TRAK1: variants seen among roughly 807,000 people sequenced by gnomAD.
The protein encoded by TRAK1 is trafficking kinesin protein 1.
Under a neutral mutation model 92.1 loss-of-function variants are expected in TRAK1, and 33 were observed. That is an observed-to-expected ratio of 0.36 (90% confidence interval 0.27 to 0.48). The LOEUF is 0.48. TRAK1 is among the 20% of genes least tolerant of loss of function. TRAK1 has a pLI of 0.99. For synonymous variants in TRAK1, 521 were observed against 517.3 expected (o/e 1.01, Z -0.10); for missense variants, 1,123 against 1,257.9 (o/e 0.89, Z 1.62).
intron 2 of TRAK1, among the ~76,000 whole-genome samples, chr3:42,127,652 C>T (rs1209174675): frequency 1.3e-5 from 2 of 152,166 alleles, no homozygotes; most frequent in Non-Finnish European, 2.9e-5. Context: ...TGAGCCACTG[C>T]ACTTGGCACC....
At chr3:42,051,383 G>A (rs1371187435) in intron 1 of TRAK1, 1 of 152,246 alleles carries the variant, frequency 6.6e-6, no homozygotes, top group Admixed American at 6.5e-5. Flanking sequence ...GTGAAGGTGA[G>A]GGTGGTGCAG....
At chr3:42,151,312 A>G (rs1009977737) in intron 2 of TRAK1, 2 of 456,362 alleles carry the variant, frequency 4.4e-6, no homozygotes, top group Non-Finnish European at 8.8e-6. Context: ...CTGGGTATCC[A>G]TCAGAAGGAT....
chr3:42,198,019 A>G (rs1281403334), intron 10 of TRAK1, among the ~76,000 whole-genome samples: 1 of 152,220 alleles, frequency 6.6e-6, no homozygotes, highest in Non-Finnish European at 1.5e-5. Flanking sequence ...CCACATGTAC[A>G]TATGTCCCAG....
intron 1 of TRAK1, among the ~76,000 whole-genome samples, chr3:42,043,624 G>T (rs932773988): frequency 1.3e-4 from 19 of 151,596 alleles, no homozygotes; most frequent in South Asian, 4.2e-4. Context: ...CTGGGGGGGG[G>T]GCGGGGGGAG....
At chr3:42,112,943 T>A (rs1232939739) in intron 1 of TRAK1, among the ~76,000 whole-genome samples, 1 of 150,850 alleles carries the variant, frequency 6.6e-6, no homozygotes, top group Admixed American at 6.6e-5. Context: ...GATTTTTAAT[T>A]TTTTTTTTGT....
rs1703279639 is a variant in TRAK1 at position 42,176,806 on chromosome 3, T to G, written c.287-8T>G. 1.2e-6 allele frequency: 2 copies of G among 1,613,034 alleles called. No homozygotes were observed. The highest frequency in any genetic ancestry group is 2.7e-5 in the African/African-American group (2 of 74,924). Reference sequence around the variant, plus strand: ...TGGGAGTCTCATTGTCATTTTTATTTCTTACAGTTTTATGTGCTGAAAGAG... The same window carrying G: ...TGGGAGTCTCATTGTCATTTTTATTGCTTACAGTTTTATGTGCTGAAAGAG... On this transcript the variant is annotated splice_region_variant and splice_polypyrimidine_tract_variant and intron_variant, in intron 2 of 15. Transcript: ENST00000327628.
chr3:42,099,804 A>C (rs953373969), intron 1 of TRAK1, among the ~76,000 whole-genome samples: 2 of 152,106 alleles, frequency 1.3e-5, no homozygotes. Flanking sequence ...TGCTATTTTA[A>C]CTGTTGTTTC....
intron 10 of TRAK1, among the ~76,000 whole-genome samples, chr3:42,196,977 T>TC (rs1706764167): frequency 6.4e-5 from 4 of 62,400 alleles, no homozygotes; most frequent in South Asian, 5.4e-4. Flanking sequence ...CTCTCTCTCT[T>TC]TCTCTTTCTC....
chr3:42,138,931 G>A (rs1183215266), intron 2 of TRAK1, among the ~76,000 whole-genome samples: 3 of 146,862 alleles, frequency 2.0e-5, no homozygotes, highest in African/African-American at 7.6e-5. Flanking sequence ...GTGTTTGGAG[G>A]AGGGGTACCT....
At chr3:42,134,180 TTCCCCTTCCCCC>T in intron 2 of TRAK1, among the ~76,000 whole-genome samples, 1 of 116,842 alleles carries the variant, frequency 8.6e-6, no homozygotes, top group Non-Finnish European at 1.8e-5. Flanking sequence ...CCCCTTCCTC[TTCCCCTTCCCCC>T]TCCCCTTCCC....
intron 1 of TRAK1, among the ~76,000 whole-genome samples, chr3:42,068,066 G>A (rs572514878): frequency 4.6e-5 from 7 of 151,950 alleles, no homozygotes; most frequent in Admixed American, 2.6e-4. Flanking sequence ...AGGCTGAGGC[G>A]GAAGATCCCT....
chr3:42,137,650 T>C (rs1698117084), intron 2 of TRAK1, among the ~76,000 whole-genome samples: 2 of 152,164 alleles, frequency 1.3e-5, no homozygotes, highest in South Asian at 4.1e-4. Context: ...ACGTATGCTA[T>C]TTGTGGAGTT....
chr3:42,078,139 T>A (rs1704244617), intron 1 of TRAK1, among the ~76,000 whole-genome samples: 1 of 152,090 alleles, frequency 6.6e-6, no homozygotes, highest in Non-Finnish European at 1.5e-5. Context: ...GGGCAAAGGG[T>A]CTGAGTGGCT....
intron 1 of TRAK1, among the ~76,000 whole-genome samples, chr3:42,057,589 G>A (rs1703251816): frequency 6.6e-6 from 1 of 152,116 alleles, no homozygotes; most frequent in Admixed American, 6.6e-5. Flanking sequence ...CAGAACAAGT[G>A]GGCTGCAGTT....
At chr3:42,201,374 C>T (rs1481328250) in intron 12 of TRAK1, among the ~76,000 whole-genome samples, 5 of 151,974 alleles carry the variant, frequency 3.3e-5, no homozygotes, top group East Asian at 1.9e-4. Context: ...GCAGGAGAAT[C>T]GCTTGAACCC....
chr3:42,200,765 TC>T, intron 11 of TRAK1, 52 bp from the exon 12 acceptor site: 3 of 1,591,314 alleles, frequency 1.9e-6, no homozygotes, highest in Non-Finnish European at 1.7e-6. Flanking sequence ...AGGGTTAAAC[TC>T]CAGGGTTGTG....
intron 1 of TRAK1, among the ~76,000 whole-genome samples, chr3:42,014,948 G>A (rs996076791): frequency 3.9e-5 from 6 of 152,282 alleles, no homozygotes; most frequent in Middle Eastern, 3.4e-3. Flanking sequence ...GAGAGTGGAG[G>A]TTACCATAGG....
intron 2 of TRAK1, among the ~76,000 whole-genome samples, chr3:42,173,705 TTC>T (rs1216479730): frequency 6.6e-6 from 1 of 152,244 alleles, no homozygotes; most frequent in African/African-American, 2.4e-5. Flanking sequence ...TGCAGCCTCA[TTC>T]TCTGTGACCT....
intron 1 of TRAK1, among the ~76,000 whole-genome samples, chr3:42,118,019 C>G (rs920195333): frequency 2.0e-5 from 3 of 152,004 alleles, no homozygotes; most frequent in African/African-American, 7.2e-5. Flanking sequence ...GGGGTTTCAC[C>G]ATGTTGGCCA....
Sources: allele counts gnomAD v4.1 joint callset (sites outside exome capture counted in the v4.1 genomes callset), GRCh38; gene constraint gnomAD v4.1.1; transcripts MANE v1.5; gene names NCBI Gene and HGNC (gene_info 2026-07-23, HGNC 2026-07-21).